Variants in DLC1 observed in about 807,000 individuals in gnomAD.
The protein encoded by DLC1 is DLC1 Rho GTPase activating protein, also known as rho GTPase-activating protein 7.
Under a neutral mutation model 140.3 loss-of-function variants are expected in DLC1, and 54 were observed. That is an observed-to-expected ratio of 0.38 (90% CI 0.31 to 0.48). The LOEUF is 0.48. DLC1 is among the 20% of genes least tolerant of loss of function. DLC1 has a pLI of 0.96. For synonymous variants in DLC1, 986 were observed against 728.1 expected, an observed-to-expected ratio of 1.35 and a Z score of -5.70; for missense variants, 2,536 against 1,907.0, an observed-to-expected ratio of 1.33 and a Z score of -6.14.
intron 12 of DLC1, among the ~76,000 whole-genome samples, chr8:13,093,412 A>G (rs1818249713): frequency 6.6e-6 from 1 of 152,152 alleles, no homozygotes; most frequent in African/African-American, 2.4e-5. Flanking sequence ...CAATTAATAA[A>G]TAAAACACAC....
rs542251358 is a variant in DLC1, at chr8:13,377,471, C to G, written c.1314+16082G>C. Reference sequence around the variant, plus strand: ...AACGGCTTTTATAAACTACTATAAACATACTCTTTCAAGGTGAGTAACCTT... The same window carrying G: ...AACGGCTTTTATAAACTACTATAAAGATACTCTTTCAAGGTGAGTAACCTT... On this transcript the variant is annotated intron_variant, in intron 4 of 17. Coordinates refer to ENST00000276297, the MANE Select transcript of DLC1 (RefSeq NM_182643.3). Among the ~76,000 whole-genome samples the G allele has an allele frequency of 2.8e-3, 429 of 152,204 alleles. 3 individuals carry two copies. The highest frequency in any genetic ancestry group is 9.8e-3 in the African/African-American group (407 of 41,538).
Position 13,426,822 on chromosome 8 carries a change from GTCTCTC to G in DLC1, c.1024-25209_1024-25204del, listed in dbSNP as rs1838606557. Among the ~76,000 whole-genome samples the G allele has an allele frequency of 2.0e-5, 3 of 151,744 alleles. No homozygotes were observed. The East Asian group carries it at 5.8e-4, about 29-fold the overall frequency. On this transcript the variant is annotated intron_variant, in intron 2 of 17. Coordinates refer to ENST00000276297, the MANE Select transcript of DLC1 (RefSeq NM_182643.3). ...CTCTTCTTTAAAATTGCCTACATTT[GTCTCTC>G]ATCCTAGGAGATCCTCCAGTTTTTG...
chr8:13,249,759 C>G (rs901594154), intron 5 of DLC1, among the ~76,000 whole-genome samples: 4 of 152,194 alleles, frequency 2.6e-5, no homozygotes, highest in African/African-American at 9.7e-5. Context: ...CAACAATGAA[C>G]AGAAAACCAC....
At chr8:13,498,491 A>G (rs1801617546) in intron 2 of DLC1, among the ~76,000 whole-genome samples, 1 of 152,172 alleles carries the variant, frequency 6.6e-6, no homozygotes, top group South Asian at 2.1e-4. Flanking sequence ...TATGATATAT[A>G]TATTGATGGT....
intron 5 of DLC1, among the ~76,000 whole-genome samples, chr8:13,264,933 C>T (rs1046354071): frequency 1.3e-5 from 2 of 152,210 alleles, no homozygotes; most frequent in African/African-American, 4.8e-5. Flanking sequence ...ACAGCAACAT[C>T]ACCTTCACTT....
At chr8:13,154,915 A>G (rs1824134264) in intron 5 of DLC1, among the ~76,000 whole-genome samples, 1 of 152,222 alleles carries the variant, frequency 6.6e-6, no homozygotes, top group Non-Finnish European at 1.5e-5. Context: ...ACTGTTTTTT[A>G]TAAATTTAAA....
rs181288159 is a variant in DLC1, at chr8:13,313,814, G to A, written c.1315-8512C>T. Reference sequence around the variant, plus strand: ...TTGTTTTTTTTCTTATTTTCCCTAAGTTTTATAAAGCTCAGTGTGGAGGAT... The same window carrying A: ...TTGTTTTTTTTCTTATTTTCCCTAAATTTTATAAAGCTCAGTGTGGAGGAT... On this transcript the variant is annotated intron_variant, in intron 4 of 17. Transcript: ENST00000276297. Among the ~76,000 whole-genome samples, 532 of 151,944 alleles carry A rather than the reference G, an allele frequency of 3.5e-3. 2 individuals are homozygous for A. Among genetic ancestry groups the A allele is most frequent in the Non-Finnish European group, 6.5e-3 (442 of 67,972 alleles).
At chr8:13,598,849 AT>A (rs1421896927) in intron 1 of DLC1, among the ~76,000 whole-genome samples, 1 of 151,994 alleles carries the variant, frequency 6.6e-6, no homozygotes, top group Non-Finnish European at 1.5e-5. Context: ...CTGAAAAATA[AT>A]TTAAAACTTT....
Position 13,393,747 on chromosome 8 carries a change from C to T in DLC1, c.1174-54G>A, listed in dbSNP as rs191262510. 4.9e-4 allele frequency: 764 copies of T among 1,569,384 alleles called. 1 individual carries two copies. The highest frequency in any genetic ancestry group is 6.0e-4 in the Non-Finnish European group (695 of 1,158,008). On this transcript the variant is annotated intron_variant, in intron 3 of 17. Coordinates refer to ENST00000276297, the MANE Select transcript of DLC1 (RefSeq NM_182643.3). ...AGGACATGTGAATGTTCCCAAATGC[C>T]CTTCTTCCTACCACCAGAACTTTGT... is the stretch of plus-strand genomic sequence containing the variant.
intron 1 of DLC1, among the ~76,000 whole-genome samples, chr8:13,521,932 C>A (rs1478495196): frequency 2.0e-5 from 3 of 152,162 alleles, no homozygotes; most frequent in East Asian, 3.9e-4. Context: ...CAATGCAGTA[C>A]CCACATTCAA....
At chr8:13,367,702 C>T (rs932097235) in intron 4 of DLC1, among the ~76,000 whole-genome samples, 1 of 152,144 alleles carries the variant, frequency 6.6e-6, no homozygotes, top group Non-Finnish European at 1.5e-5. Flanking sequence ...AAGTGAAGTA[C>T]TCTGCAGTTT....
chr8:13,090,349 T>C lies in DLC1; in HGVS notation c.3977A>G (p.Gln1326Arg). The C allele has an allele frequency of 1.9e-6, 3 of 1,614,186 alleles. No homozygotes were observed. Among genetic ancestry groups the C allele is most frequent in the Non-Finnish European group, 2.5e-6 (3 of 1,180,034 alleles). ...TTTAAACAGGCCATCCACACAGTCC[T>C]GGAGGAAGTGTTGGTAGTCAGCTGA... The part of the protein sequence containing the change: ...DDSADYQHFL[Q>R]DCVDGLFKEV... Residue 1326 changes from glutamine to arginine, a missense_variant, in exon 15 of 18, where the codon CAG becomes CGG. Gln to Arg is a conservative substitution (Grantham distance 43). Coordinates refer to ENST00000276297, the MANE Select transcript of DLC1 (RefSeq NM_182643.3).
intron 3 of DLC1, among the ~76,000 whole-genome samples, chr8:13,395,763 G>T (rs545078700): frequency 7.5e-6 from 1 of 132,932 alleles, no homozygotes; most frequent in South Asian, 2.4e-4. Flanking sequence ...GTGTGTGTGC[G>T]TGTGCGTGTG....
intron 4 of DLC1, among the ~76,000 whole-genome samples, chr8:13,368,163 T>A (rs1289782365): frequency 6.6e-6 from 1 of 152,114 alleles, no homozygotes; most frequent in Non-Finnish European, 1.5e-5. Flanking sequence ...AAGACATAAT[T>A]GGGAATTTTT....
At chr8:13,141,984 A>C (rs1407778483) in intron 5 of DLC1, among the ~76,000 whole-genome samples, 1 of 152,198 alleles carries the variant, frequency 6.6e-6, no homozygotes, top group East Asian at 1.9e-4. Flanking sequence ...CTACTGGGAA[A>C]TGATTGGATT....
intron 1 of DLC1, chr8:13,558,261 T>C (rs994399581): frequency 6.6e-6 from 1 of 152,150 alleles, no homozygotes; most frequent in Non-Finnish European, 1.5e-5. Flanking sequence ...ATTTGTAAAA[T>C]CAGCTTTCAC....
chr8:13,425,769 T>C (rs1056412957), intron 2 of DLC1, among the ~76,000 whole-genome samples: 1 of 152,228 alleles, frequency 6.6e-6, no homozygotes, highest in Non-Finnish European at 1.5e-5. Context: ...TTTCTGTTTT[T>C]AAAATGTAAA....
intron 6 of DLC1, among the ~76,000 whole-genome samples, chr8:13,111,610 C>T (rs968670516): frequency 6.6e-6 from 1 of 152,128 alleles, no homozygotes; most frequent in African/African-American, 2.4e-5. Flanking sequence ...TAAATATACC[C>T]AAGAAAAGGA....
At position 13,278,027 on chromosome 8, in the gene DLC1, T is replaced by C. The variant is rs553950237; in HGVS notation, c.1348+27242A>G. 4.6e-5 allele frequency among the ~76,000 whole-genome samples: 7 copies of C among 152,364 alleles called. No homozygotes were observed. In the South Asian group the frequency reaches 1.5e-3, roughly 32 times the overall value. On this transcript the variant is annotated intron_variant, in intron 5 of 17. Transcript: ENST00000276297. ...GCTCATGAATTATAACTAACATTAGTACCAATGCTTATTAATAACCCGTAT... is the reference window on the plus strand; with the variant it reads ...GCTCATGAATTATAACTAACATTAGCACCAATGCTTATTAATAACCCGTAT...
Sources: allele counts gnomAD v4.1 joint callset (sites outside exome capture counted in the v4.1 genomes callset), GRCh38; gene constraint gnomAD v4.1.1; transcripts MANE v1.5; gene names NCBI Gene and HGNC (gene_info 2026-07-23, HGNC 2026-07-21).